Variants in KATNAL2 observed in about 807,000 individuals in gnomAD.
KATNAL2 encodes katanin p60 ATPase-containing subunit A-like 2.
In KATNAL2, 52 loss-of-function variants were observed where a neutral mutation model predicts 76.3. That is an observed-to-expected ratio of 0.68 (90% CI 0.55 to 0.86). The LOEUF (loss-of-function observed/expected upper bound fraction) is 0.86. Among genes scored for constraint, KATNAL2 ranks in the 40% least tolerant of loss-of-function variants. The pLI, the probability that KATNAL2 is intolerant of heterozygous loss-of-function variation, is 0.00. For missense variants in KATNAL2, 660 were observed against 668.9 expected (o/e 0.99, Z 0.15); for synonymous variants, 243 against 244.2 (o/e 1.00, Z 0.05).
intron 5 of KATNAL2, among the ~76,000 whole-genome samples, chr18:47,053,733 A>G (rs116397922): frequency 0.015 from 2,351 of 152,340 alleles, 56 homozygotes; most frequent in African/African-American, 0.054. Context: ...AGGAACATCA[A>G]TTTAAAATAG....
At chr18:46,934,311 T>C (rs1007129550) in intron 1 of KATNAL2, among the ~76,000 whole-genome samples, 2 of 152,222 alleles carry the variant, frequency 1.3e-5, no homozygotes, top group African/African-American at 4.8e-5. Flanking sequence ...CAGCACCTGT[T>C]GTCTCCTGAC....
intron 4 of KATNAL2, among the ~76,000 whole-genome samples, chr18:47,047,732 T>G (rs530497542): frequency 2.0e-5 from 3 of 152,268 alleles, no homozygotes; most frequent in East Asian, 1.9e-4. Flanking sequence ...TTTTTTTTTT[T>G]GTAACAGATG....
intron 3 of KATNAL2, among the ~76,000 whole-genome samples, chr18:47,031,485 C>G (rs566372355): frequency 1.4e-4 from 21 of 151,936 alleles, no homozygotes; most frequent in Non-Finnish European, 2.9e-4. Flanking sequence ...AATCATTATG[C>G]CCTGAGAATC....
intron 3 of KATNAL2, among the ~76,000 whole-genome samples, chr18:46,961,298 G>T (rs1228609961): frequency 1.3e-5 from 2 of 152,068 alleles, no homozygotes; most frequent in Admixed American, 1.3e-4. Context: ...GTGGGGGTGG[G>T]GGTGGGTAGC....
chr18:46,931,718 G>GA (rs1484130361), intron 1 of KATNAL2, among the ~76,000 whole-genome samples: 1 of 144,208 alleles, frequency 6.9e-6, no homozygotes, highest in Non-Finnish European at 1.5e-5. Context: ...GAGAAAGAGA[G>GA]AAAAAAGAGA....
At chr18:47,071,442 C>G (rs1037815815) in intron 13 of KATNAL2, among the ~76,000 whole-genome samples, 4 of 152,080 alleles carry the variant, frequency 2.6e-5, no homozygotes, top group African/African-American at 7.2e-5. Flanking sequence ...CAATCTCTTC[C>G]ATATGCCTAG....
At chr18:47,034,851 C>T in intron 3 of KATNAL2, 1 of 1,612,142 alleles carries the variant, frequency 6.2e-7, no homozygotes, top group East Asian at 2.2e-5. Context: ...GTCTCTGTTG[C>T]CCCGGAGGTG....
chr18:47,054,369 T>C, intron 5 of KATNAL2, 27 bp from the exon 6 acceptor site: 2 of 1,594,308 alleles, frequency 1.3e-6, no homozygotes, highest in Non-Finnish European at 1.7e-6. Context: ...TTATTTTCTT[T>C]CCCTCCCAAT....
At chr18:46,952,623 A>C (rs980778443) in intron 3 of KATNAL2, among the ~76,000 whole-genome samples, 37 of 150,670 alleles carry the variant, frequency 2.5e-4, no homozygotes, top group Admixed American at 3.3e-4. Context: ...CTGATCTCGA[A>C]CTCCTGACCT....
At chr18:47,041,227 T>G (rs2147017436) in intron 3 of KATNAL2, among the ~76,000 whole-genome samples, 1 of 152,316 alleles carries the variant, frequency 6.6e-6, no homozygotes, top group Middle Eastern at 3.4e-3. Flanking sequence ...AAGTCCATTT[T>G]ACATGAGGGT....
At position 47,056,350 on chromosome 18, in the gene KATNAL2, G is replaced by T. The variant is rs2061471548; in HGVS notation, c.333-1885G>T. Among the ~76,000 whole-genome samples the T allele has an allele frequency of 3.3e-5, 5 of 152,156 alleles. No homozygotes were observed. In the South Asian group the frequency reaches 1.0e-3, roughly 32 times the overall value. Reference sequence around the variant, plus strand: ...CCAGCCCCATCAATAGAAATACAGTGTCCAAAAAATAGGAGGTCACACTAT... The same window carrying T: ...CCAGCCCCATCAATAGAAATACAGTTTCCAAAAAATAGGAGGTCACACTAT... On this transcript the variant is annotated intron_variant, in intron 6 of 17. Coordinates refer to ENST00000683218, the MANE Select transcript of KATNAL2 (RefSeq NM_001387690.1).
At chr18:46,950,274 G>T (rs1466999170) in intron 3 of KATNAL2, among the ~76,000 whole-genome samples, 1 of 152,114 alleles carries the variant, frequency 6.6e-6, no homozygotes, top group Non-Finnish European at 1.5e-5. Context: ...CAATATTTAG[G>T]TATGCTCACT....
chr18:47,066,002 AAAAAAAATTTT>A (rs1569104740), intron 10 of KATNAL2, among the ~76,000 whole-genome samples: 3 of 151,654 alleles, frequency 2.0e-5, no homozygotes, highest in African/African-American at 7.3e-5. Flanking sequence ...TAAAAAATTT[AAAAAAAATTTT>A]AAAAAAATAA....
chr18:46,946,318 A>T lies in KATNAL2; in HGVS notation c.-248A>T, dbSNP rs1266917454. The T allele has an allele frequency of 1.6e-5, 17 of 1,040,840 alleles. No individual in the cohort carries two copies. Among genetic ancestry groups the T allele is most frequent in the Non-Finnish European group, 2.0e-5 (17 of 860,886 alleles). The allele number at this position is 1,040,840 out of a possible 1,614,324, so 64.5% of individuals were successfully genotyped here. A position where few individuals can be genotyped will look rare whatever the true frequency, so the allele number is the denominator to read the frequency against. ...TTGGAGGAGAAGGGGAAGTTTGGTG[A>T]TGCACAGTTTGCATCCCAGAAGGCT... On this transcript the variant is annotated 5_prime_UTR_variant, in exon 2 of 18. The change abolishes an upstream ATG in the 5' untranslated region. Transcript: ENST00000683218.
intron 3 of KATNAL2, chr18:47,032,613 A>C (rs1336619374): frequency 6.8e-6 from 2 of 292,812 alleles, no homozygotes; most frequent in African/African-American, 4.4e-5. Flanking sequence ...ATCAGTGTCA[A>C]CTAATGGCTT....
rs1219202139 is a variant in KATNAL2, at chr18:47,066,848, TATATATATATATATATATA to T, written c.727-172_727-154del. On this transcript the variant is annotated intron_variant, in intron 10 of 17. Transcript: ENST00000683218. ...CAAAATTACAATGTATATATGTGTT[TATATATATATATATATATA>T]TATATATATATATATATATATATAT... 1.4e-3 allele frequency among the ~76,000 whole-genome samples: 21 copies of T among 14,898 alleles called. 4 individuals are homozygous for T. The East Asian group carries it at 0.022, about 15-fold the overall frequency. The allele number at this position is 14,898 out of a possible 152,430, so 9.8% of individuals were successfully genotyped here.
intron 4 of KATNAL2, among the ~76,000 whole-genome samples, chr18:47,050,852 G>A (rs2061320399): frequency 6.6e-6 from 1 of 152,184 alleles, no homozygotes; most frequent in Non-Finnish European, 1.5e-5. Context: ...AATATGAATA[G>A]ACCGATGTGA....
intron 4 of KATNAL2, among the ~76,000 whole-genome samples, chr18:47,051,980 A>G (rs1237271970): frequency 1.3e-5 from 2 of 152,244 alleles, no homozygotes; most frequent in East Asian, 3.8e-4. Flanking sequence ...TCTAGATTCA[A>G]ATGAAACAGA....
Position 47,086,825 on chromosome 18 carries a change from CAGG to C in KATNAL2, c.1211+9368_1211+9370del, listed in dbSNP as rs1297807911. 3.9e-5 allele frequency among the ~76,000 whole-genome samples: 6 copies of C among 152,310 alleles called. No homozygotes were observed. In the East Asian group the frequency reaches 1.2e-3, roughly 29 times the overall value. The stretch of plus-strand genomic sequence containing the variant: ...AGTGGGGAAGGCACATGATGACTAG[CAGG>C]AGGTTACTAAGCAGTAACCTTGCTC... On this transcript the variant is annotated intron_variant, in intron 15 of 17. Transcript: ENST00000683218.
Sources: gnomAD v4.1 joint callset for allele counts (sites outside exome capture counted in the v4.1 genomes callset) on GRCh38, gnomAD v4.1.1 for gene constraint, MANE v1.5 for transcripts, NCBI Gene and HGNC (gene_info 2026-07-23, HGNC 2026-07-21) for gene names.